Variants in ATP7A observed in about 807,000 individuals in gnomAD.
ATP7A encodes the protein copper-transporting ATPase 1.
Under a neutral mutation model 83.5 loss-of-function variants are expected in ATP7A, and 7 were observed. The observed-to-expected ratio is 0.08, with a 90% CI of 0.05 to 0.16. The LOEUF is 0.16. Among genes scored for constraint, ATP7A ranks in the 10% least tolerant of loss-of-function variants. The pLI, the probability that ATP7A is intolerant of heterozygous loss-of-function variation, is 1.00. For synonymous variants in ATP7A, 354 were observed against 395.2 expected (o/e 0.90, Z 1.24); for missense variants, 940 against 1,120.8 (o/e 0.84, Z 2.30).
intron 14 of ATP7A, among the ~76,000 whole-genome samples, chrX:78,021,919 C>A: frequency 9.0e-6 from 1 of 111,248 alleles, no homozygotes; most frequent in Non-Finnish European, 1.9e-5. Context: ...CCGACTGATT[C>A]TTTCTAAATA....
At chrX:77,977,867 TCTC>T (rs1281533791) in intron 2 of ATP7A, among the ~76,000 whole-genome samples, 1 of 112,209 alleles carries the variant, frequency 8.9e-6, no homozygotes, top group Non-Finnish European at 1.9e-5. Context: ...CAGCTCTGCT[TCTC>T]CTCTTTCAGT....
chrX:78,011,354 A>G (rs1039076200), intron 8 of ATP7A, 95 bp from the exon 9 acceptor site: 124 of 1,042,454 alleles, frequency 1.2e-4, no homozygotes, highest in African/African-American at 1.1e-4. Flanking sequence ...ACTGGATGAA[A>G]TGGTCACAAT....
chrX:77,999,905 C>CT (rs1374342646), intron 5 of ATP7A, among the ~76,000 whole-genome samples: 25 of 88,136 alleles, frequency 2.8e-4, no homozygotes, highest in Non-Finnish European at 4.8e-4. Flanking sequence ...AAGACTCCAT[C>CT]TCAAAAAAAA....
At chrX:78,045,974 T>G (rs1371508577) in intron 22 of ATP7A, among the ~76,000 whole-genome samples, 1 of 111,797 alleles carries the variant, frequency 8.9e-6, no homozygotes, top group Non-Finnish European at 1.9e-5. Flanking sequence ...CAGAGTGAGA[T>G]TCCATCTCAA....
intron 1 of ATP7A, among the ~76,000 whole-genome samples, chrX:77,951,175 C>G (rs1557226776): frequency 8.9e-6 from 1 of 112,153 alleles, no homozygotes; most frequent in African/African-American, 3.2e-5. Flanking sequence ...AGTTTGTTTA[C>G]ATGGTGGTTT....
chrX:78,013,118 G>A lies in ATP7A; in HGVS notation c.2406+6G>A, dbSNP rs782307719. On this transcript the variant is annotated splice_donor_region_variant and intron_variant, in intron 10 of 22. Coordinates refer to ENST00000341514, the MANE Select transcript of ATP7A (RefSeq NM_000052.7). ...GGCTGGAACATATAGCAAAGGTAAA[G>A]TAAGAAAGGGTGACATTTGTTAAAA... is the stretch of plus-strand genomic sequence containing the variant. 38 of 1,185,367 alleles carry A rather than the reference G, an allele frequency of 3.2e-5. No homozygotes were observed. The highest frequency in any genetic ancestry group is 4.4e-5 in the Non-Finnish European group (38 of 872,876).
At chrX:77,934,400 A>G (rs1190486780) in intron 1 of ATP7A, among the ~76,000 whole-genome samples, 2 of 111,750 alleles carry the variant, frequency 1.8e-5, no homozygotes, top group Non-Finnish European at 3.8e-5. Context: ...CCTGGGTGAT[A>G]GAGCAAGACC....
chrX:77,956,677 C>A (rs1249527979), intron 1 of ATP7A, among the ~76,000 whole-genome samples: 3 of 111,464 alleles, frequency 2.7e-5, no homozygotes, highest in African/African-American at 9.8e-5. Context: ...GTACAGCCTG[C>A]AGAACTGTGA....
intron 2 of ATP7A, among the ~76,000 whole-genome samples, chrX:77,987,457 T>TGTGC (rs201299331): frequency 0.053 from 5,677 of 106,573 alleles, 200 homozygotes; most frequent in East Asian, 0.26. Flanking sequence ...TGTGTGTGTG[T>TGTGC]GTGTGTGTGT....
chrX:78,047,840 G>C lies in ATP7A; in HGVS notation c.*1270G>C, dbSNP rs959170758. On this transcript the variant is annotated 3_prime_UTR_variant, in exon 23 of 23. Coordinates refer to ENST00000341514, the MANE Select transcript of ATP7A (RefSeq NM_000052.7). ...CCCGCCTTGGCCTCCCAAAGTGCTG[G>C]GATTACAGGTGTGAGCCTCCATGCC... 9.0e-6 allele frequency: 1 copy of C among 111,648 alleles called. No individual in the cohort carries two copies. The highest frequency in any genetic ancestry group is 1.9e-5 in the Non-Finnish European group (1 of 53,168). The allele number at this position is 111,648 out of a possible 1,213,427, so 9.2% of individuals were successfully genotyped here. A position where few individuals can be genotyped will look rare whatever the true frequency, so the allele number is the denominator to read the frequency against.
chrX:77,942,117 T>G (rs1157800923), intron 1 of ATP7A, among the ~76,000 whole-genome samples: 2 of 112,475 alleles, frequency 1.8e-5, no homozygotes, highest in African/African-American at 6.5e-5. Flanking sequence ...CTCTAAGACC[T>G]CTAACGTTAT....
intron 1 of ATP7A, among the ~76,000 whole-genome samples, chrX:77,939,296 CAAA>C (rs35163171): frequency 1.1e-5 from 1 of 93,342 alleles, no homozygotes; most frequent in African/African-American, 3.9e-5. Context: ...GACACTGTCT[CAAA>C]AAAAAAAAAA....
chrX:77,939,194 G>A (rs2077337041), intron 1 of ATP7A, among the ~76,000 whole-genome samples: 1 of 110,532 alleles, frequency 9.0e-6, no homozygotes, highest in African/African-American at 3.3e-5. Flanking sequence ...CTACTCAGGA[G>A]GCTGAGGCAC....
At chrX:78,021,492 A>G (rs1469884114) in intron 14 of ATP7A, among the ~76,000 whole-genome samples, 1 of 111,723 alleles carries the variant, frequency 9.0e-6, no homozygotes, top group African/African-American at 3.3e-5. Flanking sequence ...ATTTTGTGTA[A>G]CTTAAGGTTG....
Position 78,046,153 on chromosome X carries a change from AT to A in ATP7A, c.4227-137del. On this transcript the variant is annotated intron_variant, in intron 22 of 22. Coordinates refer to ENST00000341514, the MANE Select transcript of ATP7A (RefSeq NM_000052.7). Reference sequence around the variant, plus strand: ...AACTCCACACAATTCGTTTCAAGCTATTTTCCTACCAGTGATCACCTTTATA... The same window carrying A: ...AACTCCACACAATTCGTTTCAAGCTATTTCCTACCAGTGATCACCTTTATA... The A allele has an allele frequency of 4.4e-6, 3 of 686,864 alleles. No individual in the cohort carries two copies. In the South Asian group the frequency reaches 7.7e-5, roughly 18 times the overall value. 56.6% of individuals were successfully genotyped at this position (686,864 alleles called of 1,213,427 possible). A position where few individuals can be genotyped will look rare whatever the true frequency, so the allele number is the denominator to read the frequency against.
chrX:78,026,511 A>G (rs1444923237), intron 14 of ATP7A, among the ~76,000 whole-genome samples: 2 of 112,003 alleles, frequency 1.8e-5, no homozygotes, highest in Admixed American at 9.5e-5. Flanking sequence ...CCCCACTGAC[A>G]GCACTAGAGA....
chrX:77,931,920 C>T lies in ATP7A; in HGVS notation c.-22+21085C>T, dbSNP rs1359434134. Among the ~76,000 whole-genome samples the T allele has an allele frequency of 8.0e-5, 8 of 99,417 alleles. No individual in the cohort carries two copies. The South Asian group carries it at 2.0e-3, about 25-fold the overall frequency. The allele number at this position is 99,417 out of a possible 115,157, so 86.3% of individuals were successfully genotyped here. ...CCGGGCAGAGGCGCCCCTCACCTCC[C>T]GGACCGGGCGGCTGGCTGGGCGGGG... On this transcript the variant is annotated intron_variant, in intron 1 of 22. Coordinates refer to ENST00000341514, the MANE Select transcript of ATP7A (RefSeq NM_000052.7).
chrX:78,009,729 G>A (rs2077804031), intron 7 of ATP7A, among the ~76,000 whole-genome samples: 1 of 111,724 alleles, frequency 9.0e-6, no homozygotes, highest in African/African-American at 3.3e-5. Flanking sequence ...AGGCCTAGAG[G>A]GCACAATCAC....
chrX:77,988,046 A>G (rs182681902), intron 2 of ATP7A, among the ~76,000 whole-genome samples, 196 bp from the exon 3 acceptor site: 21 of 111,748 alleles, frequency 1.9e-4, no homozygotes, highest in African/African-American at 6.5e-4. Context: ...GTCTGCATAT[A>G]TAACTTTACC....
Sources: allele counts gnomAD v4.1 joint callset (sites outside exome capture counted in the v4.1 genomes callset), GRCh38; gene constraint gnomAD v4.1.1; transcripts MANE v1.5; gene names NCBI Gene and HGNC (gene_info 2026-07-23, HGNC 2026-07-21).